The following DDX27 variants were observed in gnomAD, a reference collection of about 807,000 sequenced individuals.
DDX27 encodes DEAD-box helicase 27.
A neutral mutation model predicts 99.3 loss-of-function variants in DDX27; 42 were observed. That is an observed-to-expected ratio of 0.42 (90% CI 0.33 to 0.55). DDX27 has a LOEUF of 0.55. Ranked by LOEUF, DDX27 falls within the 20% of genes least tolerant of loss-of-function variation. The pLI, the probability that DDX27 is intolerant of heterozygous loss-of-function variation, is 0.07. For synonymous variants in DDX27, 329 were observed against 353.8 expected, an observed-to-expected ratio of 0.93 and a Z score of 0.79; for missense variants, 798 against 976.8, an observed-to-expected ratio of 0.82 and a Z score of 2.44.
At chr20:49,228,963 G>C in intron 8 of DDX27, 75 bp downstream of exon 8, 11 of 1,364,220 alleles carry the variant, frequency 8.1e-6, no homozygotes, top group Non-Finnish European at 1.1e-5. Context: ...CCCGCCATCT[G>C]TTGGTGTTGG....
At position 49,236,636 on chromosome 20, in the gene DDX27, T is replaced by G; in HGVS notation, c.1687+126T>G. 1 of 966,358 alleles carries G rather than the reference T, an allele frequency of 1.0e-6. No homozygotes were observed. Among genetic ancestry groups the G allele is most frequent in the African/African-American group, 1.8e-5 (1 of 56,940 alleles). 59.9% of individuals were successfully genotyped at this position (966,358 alleles called of 1,614,324 possible). On this transcript the variant is annotated intron_variant, in intron 14 of 20. Coordinates refer to ENST00000618172, the MANE Select transcript of DDX27 (RefSeq NM_017895.8). This position sits in a 1 kb window ranked among gnomAD's most constrained non-coding sequence, Gnocchi z 4.1. ...TTGAATTCCAGCCCTGCTGCTTCCT[T>G]GCCGAGTGACCATGTGCAGGTTTCA...
At chr20:49,230,422 A>G (rs1160208280) in intron 9 of DDX27, 73 bp downstream of exon 9, 12 of 1,519,478 alleles carry the variant, frequency 7.9e-6, no homozygotes, top group Middle Eastern at 4.7e-4. Flanking sequence ...GACCTGCCAC[A>G]CTGCGTTATT....
intron 4 of DDX27, 57 bp from the exon 5 acceptor site, chr20:49,224,888 G>T (rs1979820593): frequency 6.3e-7 from 1 of 1,596,368 alleles, no homozygotes. Flanking sequence ...GTGTCCAGCA[G>T]GATGCAAGTG....
In DDX27 at chr20:49,239,268, G is replaced by A. The variant is rs201294114; in HGVS notation, c.1827G>A (p.Gly609=). 16 of 1,614,136 alleles carry A rather than the reference G, an allele frequency of 9.9e-6. No individual in the cohort carries two copies. Among genetic ancestry groups the A allele is most frequent in the Non-Finnish European group, 1.4e-5 (16 of 1,180,020 alleles). ...CAGCAAAGCGGCTCCTGGAGAAGGGGAAGGAGGCAGTGGTCCAAGAGCCCG... is the reference window on the plus strand; with the variant it reads ...CAGCAAAGCGGCTCCTGGAGAAGGGAAAGGAGGCAGTGGTCCAAGAGCCCG... The part of the protein sequence containing the change: ...INTAKRLLEK[G]KEAVVQEPER... The change falls in exon 16 of 21, where the codon GGG becomes GGA. Residue 609 remains glycine (G), a synonymous_variant. Transcript: ENST00000618172.
rs1979743806 is a variant in DDX27 at position 49,222,962 on chromosome 20, A to T, written c.246A>T (p.Ala82=). The change falls in exon 3 of 21, where the codon GCA becomes GCT. Residue 82 remains alanine (A), a synonymous_variant. Transcript: ENST00000618172. ...CTCTTTATTTTTATCTGCAGAGGGC[A>T]GCCACTACATTAGATGAGAAGATTG... ...DVMSQLKKKR[A]ATTLDEKIEK... The T allele has an allele frequency of 6.2e-7, 1 of 1,612,104 alleles. No individual in the cohort carries two copies. Among genetic ancestry groups the T allele is most frequent in the Non-Finnish European group, 8.5e-7 (1 of 1,179,024 alleles).
chr20:49,220,009 G>T (rs1396437654), intron 1 of DDX27, among the ~76,000 whole-genome samples: 3 of 152,128 alleles, frequency 2.0e-5, no homozygotes, highest in Admixed American at 6.5e-5. Flanking sequence ...ATGGTGGTGT[G>T]GGGGCTTGCA....
rs1330889671 is a variant in DDX27 at position 49,243,831 on chromosome 20, G to T, written c.2295G>T (p.Lys765Asn). The stretch of plus-strand genomic sequence containing the variant: ...TTTCTTACAGATACAAGAGGAGGAA[G>T]TAGCTGTCGTGGCCTGAAGAAATTC... ...FKSKSRYKRRK is the reference protein window; with the variant it reads ...FKSKSRYKRRN The change falls in exon 21 of 21, where the codon AAG becomes AAT. Residue 765 changes from lysine (K) to asparagine (N), a missense_variant. Physicochemically the swap from Lys to Asn is moderately conservative, Grantham distance 94. Transcript: ENST00000618172. 6.2e-7 allele frequency: 1 copy of T among 1,614,056 alleles called. No individual in the cohort carries two copies. The highest frequency in any genetic ancestry group is 2.2e-5 in the East Asian group (1 of 44,892).
At chr20:49,224,451 C>A (rs1038283055) in intron 4 of DDX27, among the ~76,000 whole-genome samples, 1 of 151,628 alleles carries the variant, frequency 6.6e-6, no homozygotes, top group East Asian at 1.9e-4. Context: ...CAACCTCTGC[C>A]TCCCGGGTGC....
Position 49,241,874 on chromosome 20 carries a change from T to G in DDX27, c.1898-19T>G. On this transcript the variant is annotated intron_variant, in intron 16 of 20. Transcript: ENST00000618172. ...AGATAAAATCATCCCTGAAATCTTA[T>G]GCTTTCTTCTCATCCCAGTTGCCAA... 1.9e-6 allele frequency: 3 copies of G among 1,611,922 alleles called. No individual in the cohort carries two copies. The highest frequency in any genetic ancestry group is 2.5e-6 in the Non-Finnish European group (3 of 1,178,020).
chr20:49,228,705 C>T lies in DDX27; in HGVS notation c.707-10C>T. 1 of 1,585,570 alleles carries T rather than the reference C, an allele frequency of 6.3e-7. No individual in the cohort carries two copies. The highest frequency in any genetic ancestry group is 8.6e-7 in the Non-Finnish European group (1 of 1,160,186). ...TCTTCTCATTGCTTCCTTGCTGTCC[C>T]TCCCTCCAGGTAAAACTGCCGCCTT... On this transcript the variant is annotated splice_polypyrimidine_tract_variant and intron_variant, in intron 7 of 20. Transcript: ENST00000618172.
intron 1 of DDX27, among the ~76,000 whole-genome samples, chr20:49,220,931 TCTC>T (rs1249778376): frequency 2.0e-5 from 3 of 152,168 alleles, no homozygotes; most frequent in Non-Finnish European, 4.4e-5. Flanking sequence ...CTCTCACAGC[TCTC>T]CTCTTCATGA....
At chr20:49,223,562 T>A in intron 4 of DDX27, 129 bp downstream of exon 4, 5 of 703,364 alleles carry the variant, frequency 7.1e-6, no homozygotes, top group Middle Eastern at 4.7e-4. Flanking sequence ...TACATTGAAC[T>A]CCTTTCTTTC....
At chr20:49,235,888 C>T (rs561053448) in intron 12 of DDX27, 120 of 218,238 alleles carry the variant, frequency 5.5e-4, no homozygotes, top group African/African-American at 6.9e-4. Flanking sequence ...GGACTACAGG[C>T]GCCCGCCACC....
chr20:49,243,883 C>T lies in DDX27; in HGVS notation c.*49C>T. On this transcript the variant is annotated 3_prime_UTR_variant, in exon 21 of 21. Transcript: ENST00000618172. ...TGGGGGCAGCCCTTAAATCCCTTCC[C>T]TGTGGGAAGTCATCCTGGCTGGTCT... The T allele has an allele frequency of 6.2e-7, 1 of 1,609,834 alleles. No homozygotes were observed. Among genetic ancestry groups the T allele is most frequent in the African/African-American group, 1.3e-5 (1 of 74,884 alleles).
intron 19 of DDX27, among the ~76,000 whole-genome samples, chr20:49,243,366 A>G (rs1296304414): frequency 2.0e-5 from 3 of 152,170 alleles, no homozygotes; most frequent in Admixed American, 2.0e-4. Context: ...CCCCAGCCCA[A>G]GGTTGGGGCA....
At chr20:49,224,337 G>C (rs1168007613) in intron 4 of DDX27, among the ~76,000 whole-genome samples, 6 of 150,988 alleles carry the variant, frequency 4.0e-5, no homozygotes, top group Non-Finnish European at 8.8e-5. Context: ...CAGCCACATA[G>C]TGGGTGCTCA....
chr20:49,241,710 C>T, intron 16 of DDX27, 183 bp from the exon 17 acceptor site: 1 of 649,600 alleles, frequency 1.5e-6, no homozygotes, highest in South Asian at 1.9e-5. Flanking sequence ...CTCAGGTGAT[C>T]CACCCACCTC....
intron 11 of DDX27, chr20:49,234,115 T>C (rs1291640433): frequency 5.8e-6 from 1 of 171,970 alleles, no homozygotes; most frequent in African/African-American, 2.3e-5. Flanking sequence ...TATGTCCTTA[T>C]TTGAACACCC....
At chr20:49,227,262 A>T (rs1343254615) in intron 7 of DDX27, among the ~76,000 whole-genome samples, 1 of 152,224 alleles carries the variant, frequency 6.6e-6, no homozygotes, top group Admixed American at 6.5e-5. Flanking sequence ...CGAATCCTTC[A>T]TCAATGGTGA....
Sources: allele counts gnomAD v4.1 joint callset (sites outside exome capture counted in the v4.1 genomes callset), GRCh38; gene constraint gnomAD v4.1.1; non-coding constraint Gnocchi (gnomAD v3.1); transcripts MANE v1.5; gene names NCBI Gene and HGNC (gene_info 2026-07-23, HGNC 2026-07-21).